The following SLF2 variants were observed in gnomAD, a reference collection of about 807,000 sequenced individuals.
SLF2 encodes the protein SMC5/6 complex localization factor 2.
Under a neutral mutation model 124.3 loss-of-function variants are expected in SLF2, and 68 were observed. That is an observed-to-expected ratio of 0.55 (90% CI 0.45 to 0.67). SLF2 has a LOEUF of 0.67. Among genes scored for constraint, SLF2 ranks in the 30% least tolerant of loss-of-function variants. The probability of loss-of-function intolerance (pLI) is 0.00; values close to 1 mark genes in which losing one functional copy is unlikely to be tolerated. For synonymous variants in SLF2, 480 were observed against 478.8 expected, an observed-to-expected ratio of 1.00 and a Z score of -0.03; for missense variants, 1,246 against 1,373.7, an observed-to-expected ratio of 0.91 and a Z score of 1.47.
At chr10:100,923,511 G>A (rs997699519) in intron 4 of SLF2, among the ~76,000 whole-genome samples, 2 of 150,844 alleles carry the variant, frequency 1.3e-5, no homozygotes, top group Non-Finnish European at 1.5e-5. Context: ...GGGACACAGC[G>A]TGATTTTTTT....
rs181400579 is a variant in SLF2 at position 100,919,232 on chromosome 10, C to T, written c.973+791C>T. Among the ~76,000 whole-genome samples the T allele has an allele frequency of 1.2e-3, 188 of 151,970 alleles. 2 individuals carry two copies. The highest frequency in any genetic ancestry group is 4.3e-3 in the African/African-American group (179 of 41,436). ...TTCACCACGTTAGCCAGGATGGTCTCGATCTCCTGACCTCGTGATCTGCCC... is the reference window on the plus strand; with the variant it reads ...TTCACCACGTTAGCCAGGATGGTCTTGATCTCCTGACCTCGTGATCTGCCC... On this transcript the variant is annotated intron_variant, in intron 4 of 19. Coordinates refer to ENST00000238961, the MANE Select transcript of SLF2 (RefSeq NM_018121.4).
intron 19 of SLF2, 79 bp from the exon 20 acceptor site, chr10:100,961,798 G>T: frequency 8.3e-7 from 1 of 1,212,090 alleles, no homozygotes; most frequent in South Asian, 1.5e-5. Flanking sequence ...ATTGTCTGAT[G>T]ATTAGTAGTT....
At chr10:100,956,076 A>T (rs1850324237) in intron 17 of SLF2, among the ~76,000 whole-genome samples, 1 of 150,880 alleles carries the variant, frequency 6.6e-6, no homozygotes, top group Non-Finnish European at 1.5e-5. Flanking sequence ...TCTTTAAAAA[A>T]TTTTTTTCTT....
At chr10:100,922,493 C>G (rs559155814) in intron 4 of SLF2, among the ~76,000 whole-genome samples, 1 of 152,368 alleles carries the variant, frequency 6.6e-6, no homozygotes, top group South Asian at 2.1e-4. Context: ...GCATGAGCCA[C>G]TGTGCCCAGC....
chr10:100,950,150 G>A lies in SLF2; in HGVS notation c.3195G>A (p.Lys1065=), dbSNP rs766921831. 1.2e-6 allele frequency: 2 copies of A among 1,613,840 alleles called. No individual in the cohort carries two copies. The highest frequency in any genetic ancestry group is 8.5e-7 in the Non-Finnish European group (1 of 1,179,914). The change falls in exon 16 of 20, where the codon AAG becomes AAA. Residue 1065 remains lysine (K), a synonymous_variant. Transcript: ENST00000238961. ...TAAAGAAAATGGTCTTGAAGAAAAA[G>A]GCTGAACAACCAGATGGCATTATTG... The part of the protein sequence containing the change: ...DLLKKMVLKK[K]AEQPDGIIDD...
intron 8 of SLF2, 83 bp downstream of exon 8, chr10:100,930,080 G>T: frequency 1.1e-6 from 1 of 885,466 alleles, no homozygotes; most frequent in Non-Finnish European, 1.6e-6. Flanking sequence ...TCTTCTAAAA[G>T]GTTAATTTCT....
At chr10:100,941,303 G>A (rs1849972248) in intron 11 of SLF2, among the ~76,000 whole-genome samples, 1 of 152,108 alleles carries the variant, frequency 6.6e-6, no homozygotes, top group African/African-American at 2.4e-5. Flanking sequence ...CAGATATTAA[G>A]GGATACTAGT....
At position 100,947,042 on chromosome 10, in the gene SLF2, C is replaced by A; in HGVS notation, c.2938C>A (p.Pro980Thr). 1 of 1,612,208 alleles carries A rather than the reference C, an allele frequency of 6.2e-7. No individual in the cohort carries two copies. Among genetic ancestry groups the A allele is most frequent in the Non-Finnish European group, 8.5e-7 (1 of 1,178,760 alleles). ...CTTACATGTTCTTTTTTTTCAGGTG[C>A]CTGAACTCTGTCTGGGCATAAATGA... Reference protein sequence around the residue: ...KNIRDWNTKVPELCLGINELS... With the variant: ...KNIRDWNTKVTELCLGINELS... The change falls in exon 14 of 20, where the codon CCT becomes ACT. Residue 980 changes from proline (P) to threonine (T), a missense_variant. Pro to Thr is a conservative substitution (Grantham distance 38, BLOSUM62 -1). This residue lies in a region of SLF2 where 535 missense variants were observed against 632.8 expected (regional missense o/e 0.85). Transcript: ENST00000238961.
chr10:100,928,665 A>G (rs1156260087), intron 6 of SLF2, among the ~76,000 whole-genome samples: 2 of 152,178 alleles, frequency 1.3e-5, no homozygotes, highest in African/African-American at 2.4e-5. Context: ...CTCTCTCGCT[A>G]TGAATCCCAC....
intron 9 of SLF2, among the ~76,000 whole-genome samples, chr10:100,935,394 CA>C (rs781232248): frequency 2.5e-3 from 334 of 135,160 alleles, no homozygotes; most frequent in Middle Eastern, 3.9e-3. Flanking sequence ...GATTCTGTCC[CA>C]AAAAAAAAAA....
At chr10:100,959,697 T>A (rs1475102976) in intron 19 of SLF2, 6 of 987,490 alleles carry the variant, frequency 6.1e-6, no homozygotes, top group Non-Finnish European at 6.7e-6. Context: ...TTTCCAGAAG[T>A]GGTTGAGCCC....
intron 1 of SLF2, chr10:100,913,788 G>A (rs1849367322): frequency 3.0e-6 from 3 of 985,910 alleles, no homozygotes; most frequent in Non-Finnish European, 3.6e-6. Context: ...CTCTCCAAGA[G>A]GCTAATTTTT....
Position 100,918,368 on chromosome 10 carries a change from C to T in SLF2, c.916-16C>T. 6.5e-7 allele frequency: 1 copy of T among 1,546,776 alleles called. No individual in the cohort carries two copies. Among genetic ancestry groups the T allele is most frequent in the Non-Finnish European group, 8.8e-7 (1 of 1,135,644 alleles). On this transcript the variant is annotated splice_polypyrimidine_tract_variant and intron_variant, in intron 3 of 19. Coordinates refer to ENST00000238961, the MANE Select transcript of SLF2 (RefSeq NM_018121.4). The stretch of plus-strand genomic sequence containing the variant: ...GTCCCCAACACTTAATTAATTTTAT[C>T]TCATTGTGCTCATAGGAAAATGGAC...
Position 100,945,348 on chromosome 10 carries a change from T to A in SLF2, c.2776T>A (p.Ser926Thr), listed in dbSNP as rs1433161517. Reference sequence around the variant, plus strand: ...TAAACAGTTTCTAGGCTTGTGTACATCTATACATCCAGAAGGTTACCAGGA... The same window carrying A: ...TAAACAGTTTCTAGGCTTGTGTACAACTATACATCCAGAAGGTTACCAGGA... The part of the protein sequence containing the change: ...NVVKFLGLCT[S>T]IHPEGYQDRE... Residue 926 changes from serine (S) to threonine (T), a missense_variant, in exon 13 of 20, where the codon TCT (serine) becomes ACT (threonine). This residue lies in a region of SLF2 where 535 missense variants were observed against 632.8 expected (regional missense o/e 0.85). Coordinates refer to ENST00000238961, the MANE Select transcript of SLF2 (RefSeq NM_018121.4). 10 of 1,593,484 alleles carry A rather than the reference T, an allele frequency of 6.3e-6. No homozygotes were observed. The highest frequency in any genetic ancestry group is 8.5e-6 in the Non-Finnish European group (10 of 1,175,170).
Position 100,933,070 on chromosome 10 carries a change from C to T in SLF2, c.2436+1992C>T, listed in dbSNP as rs148039904. Reference sequence around the variant, plus strand: ...TCAAAACTAATCATGCCACTGTACTCCAGCCTGGGGAACAGAGAAAGACCC... The same window carrying T: ...TCAAAACTAATCATGCCACTGTACTTCAGCCTGGGGAACAGAGAAAGACCC... On this transcript the variant is annotated intron_variant, in intron 9 of 19. Transcript: ENST00000238961. 6.1e-3 allele frequency among the ~76,000 whole-genome samples: 931 copies of T among 152,230 alleles called. 3 individuals carry two copies. The highest frequency in any genetic ancestry group is 0.027 in the Middle Eastern group (8 of 294).
intron 17 of SLF2, among the ~76,000 whole-genome samples, chr10:100,953,722 A>C (rs1196853827): frequency 6.6e-6 from 1 of 151,862 alleles, no homozygotes; most frequent in Non-Finnish European, 1.5e-5. Context: ...GCACGATCTC[A>C]GCTCACTGCA....
rs1288753258 is a variant in SLF2 at position 100,930,011 on chromosome 10, T to C, written c.2333+14T>C. The C allele has an allele frequency of 1.4e-6, 2 of 1,463,060 alleles. No individual in the cohort carries two copies. Among genetic ancestry groups the C allele is most frequent in the South Asian group, 2.9e-5 (2 of 69,856 alleles). The allele number at this position is 1,463,060 out of a possible 1,614,324, so 90.6% of individuals were successfully genotyped here. A position where few individuals can be genotyped will look rare whatever the true frequency, so the allele number is the denominator to read the frequency against. On this transcript the variant is annotated intron_variant, in intron 8 of 19. Transcript: ENST00000238961. The stretch of plus-strand genomic sequence containing the variant: ...ACTTATTCTTAAGTAAGTAGAAAAA[T>C]AGACATTTTACTTTTATATGTATAA...
At chr10:100,931,750 T>C (rs1052807804) in intron 9 of SLF2, among the ~76,000 whole-genome samples, 2 of 152,192 alleles carry the variant, frequency 1.3e-5, no homozygotes, top group South Asian at 2.1e-4. Context: ...TCCCAGCACT[T>C]TGGGAGGCCG....
intron 15 of SLF2, 137 bp downstream of exon 15, chr10:100,947,984 G>A: frequency 1.8e-6 from 1 of 549,558 alleles, no homozygotes; most frequent in Non-Finnish European, 3.2e-6. Flanking sequence ...GTAATCTCTA[G>A]CACACTTAAC....
Sources: gnomAD v4.1 joint callset for allele counts (sites outside exome capture counted in the v4.1 genomes callset) on GRCh38, gnomAD v4.1.1 for gene constraint, gnomAD v4.1.1 regional missense constraint, MANE v1.5 for transcripts, NCBI Gene and HGNC (gene_info 2026-07-23, HGNC 2026-07-21) for gene names.